Variants in FAM227B observed in about 807,000 individuals in gnomAD.
The protein encoded by FAM227B is protein FAM227B.
In FAM227B, 88 loss-of-function variants were observed where a neutral mutation model predicts 73.8. The observed-to-expected ratio is 1.19, with a 90% CI of 1.00 to 1.42. The LOEUF (loss-of-function observed/expected upper bound fraction) is 1.42. Among genes scored for constraint, FAM227B ranks in the 40% most tolerant of loss-of-function variants. FAM227B has a pLI of 0.00. For missense variants in FAM227B, 632 were observed against 590.9 expected (o/e 1.07, Z -0.72); for synonymous variants, 210 against 190.5 (o/e 1.10, Z -0.84).
intron 10 of FAM227B, among the ~76,000 whole-genome samples, chr15:49,514,406 G>A (rs1219444977): frequency 2.0e-5 from 3 of 151,902 alleles, no homozygotes; most frequent in Non-Finnish European, 4.4e-5. Flanking sequence ...CTTGTCTATT[G>A]TTAATGTATA....
intron 3 of FAM227B, among the ~76,000 whole-genome samples, chr15:49,606,467 G>C (rs1193358318): frequency 1.3e-5 from 2 of 151,908 alleles, no homozygotes; most frequent in Non-Finnish European, 2.9e-5. Context: ...TCTCATATTT[G>C]CTCCCAGACT....
chr15:49,508,267 G>T lies in FAM227B; in HGVS notation c.956C>A (p.Ala319Glu), dbSNP rs770465182. Residue 319 changes from alanine to glutamate, a missense_variant, in exon 11 of 16, where the codon GCA becomes GAA. Transcript: ENST00000299338. ...STTTIHGSKK[A>E]PAKSVKERIA... Reference sequence around the variant, plus strand: ...TCTTTCCTTTACTGATTTTGCAGGTGCTTTTTTGCTACCATGAATGGTGGT... The same window carrying T: ...TCTTTCCTTTACTGATTTTGCAGGTTCTTTTTTGCTACCATGAATGGTGGT... 3.1e-6 allele frequency: 5 copies of T among 1,610,956 alleles called. No homozygotes were observed. Among genetic ancestry groups the T allele is most frequent in the Non-Finnish European group, 4.2e-6 (5 of 1,178,658 alleles).
intron 13 of FAM227B, among the ~76,000 whole-genome samples, chr15:49,341,217 T>C (rs1596312652): frequency 6.6e-6 from 1 of 152,212 alleles, no homozygotes; most frequent in East Asian, 1.9e-4. Flanking sequence ...AGCTTTGTTC[T>C]TTTTGCTTAG....
At chr15:49,598,347 C>A (rs536957454) in intron 3 of FAM227B, among the ~76,000 whole-genome samples, 471 of 151,978 alleles carry the variant, frequency 3.1e-3, no homozygotes, top group South Asian at 0.018. Flanking sequence ...TTCAGTATTT[C>A]TAACAGTTTC....
At chr15:49,353,650 G>A (rs1471308931) in intron 13 of FAM227B, 9 of 131,482 alleles carry the variant, frequency 6.8e-5, no homozygotes, top group Non-Finnish European at 1.4e-4. Context: ...ATAAATAATA[G>A]AACAAACTTT....
At chr15:49,524,522 G>A (rs746951999) in intron 10 of FAM227B, among the ~76,000 whole-genome samples, 6 of 152,222 alleles carry the variant, frequency 3.9e-5, no homozygotes, top group Non-Finnish European at 7.3e-5. Flanking sequence ...CTAGGGCAGT[G>A]CAGAAGGAAA....
chr15:49,369,662 CA>C (rs1433831169), intron 12 of FAM227B, among the ~76,000 whole-genome samples: 1 of 152,158 alleles, frequency 6.6e-6, no homozygotes, highest in Non-Finnish European at 1.5e-5. Context: ...ACTAGAAACC[CA>C]CAGGCACCCA....
At chr15:49,519,052 A>C (rs757278269) in intron 10 of FAM227B, among the ~76,000 whole-genome samples, 2 of 152,248 alleles carry the variant, frequency 1.3e-5, no homozygotes, top group Admixed American at 6.5e-5. Flanking sequence ...GCCAAAGTGA[A>C]GGGGCTACAG....
rs1214623513 is a variant in FAM227B, at chr15:49,611,203, T to C, written c.105+12A>G. The C allele has an allele frequency of 1.3e-6, 2 of 1,539,454 alleles. No homozygotes were observed. Among genetic ancestry groups the C allele is most frequent in the Non-Finnish European group, 1.8e-6 (2 of 1,115,170 alleles). Reference sequence around the variant, plus strand: ...TGATGTAATGGCACATAAAATAAGATGCTTTACTCACCCAATTTTGAAACT... The same window carrying C: ...TGATGTAATGGCACATAAAATAAGACGCTTTACTCACCCAATTTTGAAACT... On this transcript the variant is annotated intron_variant, in intron 3 of 15. Coordinates refer to ENST00000299338, the MANE Select transcript of FAM227B (RefSeq NM_152647.3).
chr15:49,400,716 T>C (rs940211366), intron 11 of FAM227B, among the ~76,000 whole-genome samples: 2 of 150,294 alleles, frequency 1.3e-5, no homozygotes, highest in Non-Finnish European at 3.0e-5. Context: ...AACCATCTGA[T>C]CTTTGACAAA....
At chr15:49,522,520 G>C (rs1484869123) in intron 10 of FAM227B, among the ~76,000 whole-genome samples, 1 of 151,834 alleles carries the variant, frequency 6.6e-6, no homozygotes, top group African/African-American at 2.4e-5. Context: ...TAAGACCCAA[G>C]ACAAAGTTGA....
chr15:49,374,159 T>C (rs2046010961), intron 11 of FAM227B, among the ~76,000 whole-genome samples: 1 of 152,182 alleles, frequency 6.6e-6, no homozygotes, highest in Admixed American at 6.5e-5. Flanking sequence ...TTTTTGAGGC[T>C]AGATTACTTC....
chr15:49,367,814 G>T, intron 12 of FAM227B: 12 of 276,774 alleles, frequency 4.3e-5, no homozygotes, highest in Non-Finnish European at 6.5e-5. Context: ...ACTCTTTTGA[G>T]TTATCATCAG....
intron 11 of FAM227B, among the ~76,000 whole-genome samples, chr15:49,436,445 A>G (rs1222606604): frequency 6.6e-6 from 1 of 151,590 alleles, no homozygotes; most frequent in African/African-American, 2.4e-5. Context: ...AAGACTGTGT[A>G]GAGGAAAAAT....
chr15:49,522,178 C>G (rs2059838575), intron 10 of FAM227B, among the ~76,000 whole-genome samples: 2 of 152,100 alleles, frequency 1.3e-5, no homozygotes, highest in African/African-American at 4.8e-5. Flanking sequence ...TATCTATAAG[C>G]AAGGAACCCG....
chr15:49,504,999 T>C (rs1448739597), intron 11 of FAM227B, among the ~76,000 whole-genome samples: 2 of 152,172 alleles, frequency 1.3e-5, no homozygotes, highest in Non-Finnish European at 2.9e-5. Context: ...ACAATACAAA[T>C]AGCCACCAAA....
At chr15:49,532,283 GA>G (rs917500117) in intron 10 of FAM227B, among the ~76,000 whole-genome samples, 6 of 151,406 alleles carry the variant, frequency 4.0e-5, no homozygotes, top group Non-Finnish European at 5.9e-5. Context: ...AGCCTGTGGT[GA>G]AAAAAATTAT....
intron 11 of FAM227B, among the ~76,000 whole-genome samples, chr15:49,499,723 C>T (rs533894855): frequency 6.6e-6 from 1 of 152,256 alleles, no homozygotes; most frequent in African/African-American, 2.4e-5. Flanking sequence ...AGACATAAAC[C>T]AATATGTATG....
chr15:49,553,002 C>G (rs1327523516), intron 9 of FAM227B, among the ~76,000 whole-genome samples: 1 of 152,030 alleles, frequency 6.6e-6, no homozygotes. Flanking sequence ...AAGTCTTTTC[C>G]TGGATGTGTT....
Sources: gnomAD v4.1 joint callset for allele counts (sites outside exome capture counted in the v4.1 genomes callset) on GRCh38, gnomAD v4.1.1 for gene constraint, MANE v1.5 for transcripts, NCBI Gene and HGNC (gene_info 2026-07-23, HGNC 2026-07-21) for gene names.